Variants in RBFOX2 observed in about 807,000 individuals in gnomAD.
RBFOX2 encodes RNA binding protein fox-1 homolog 2.
RBFOX2 carries 10 observed loss-of-function variants against 49.1 expected under a neutral mutation model. The ratio of observed to expected loss-of-function variants is 0.20; its 90% CI spans 0.13 to 0.35. RBFOX2 has a LOEUF of 0.35. Ranked by LOEUF, RBFOX2 falls within the 10% of genes least tolerant of loss-of-function variation. RBFOX2 has a pLI of 1.00. For missense variants in RBFOX2, 323 were observed against 486.9 expected (o/e 0.66, Z 3.17); for synonymous variants, 183 against 187.4 (o/e 0.98, Z 0.19).
chr22:35,974,981 C>T (rs1158991496), intron 1 of RBFOX2, among the ~76,000 whole-genome samples: 1 of 152,180 alleles, frequency 6.6e-6, no homozygotes, highest in Admixed American at 6.5e-5. Flanking sequence ...ACAGAGGCAA[C>T]GTAGTAGACG....
chr22:35,888,008 T>C (rs889638454), intron 1 of RBFOX2, among the ~76,000 whole-genome samples: 1 of 152,158 alleles, frequency 6.6e-6, no homozygotes, highest in Non-Finnish European at 1.5e-5. Flanking sequence ...ACCTCCCTCC[T>C]AAGCCAGTTT....
chr22:35,746,319 G>A (rs1932762900), intron 10 of RBFOX2, among the ~76,000 whole-genome samples, 154 bp downstream of exon 12: 2 of 152,212 alleles, frequency 1.3e-5, no homozygotes, highest in African/African-American at 4.8e-5. Flanking sequence ...AGGCATGACA[G>A]AGGCCATCAA....
At chr22:35,966,164 C>T (rs1047328637), upstream of RBFOX2, among the ~76,000 whole-genome samples, 1 of 152,196 alleles carries the variant, frequency 6.6e-6, no homozygotes, top group African/African-American at 2.4e-5. Flanking sequence ...TCTTTCACTC[C>T]ACATTATATC....
intron 1 of RBFOX2, among the ~76,000 whole-genome samples, chr22:35,847,386 A>G (rs946326131): frequency 6.6e-6 from 1 of 152,216 alleles, no homozygotes; most frequent in Admixed American, 6.5e-5. Flanking sequence ...CCTTTCATTA[A>G]AAGAAATACT....
chr22:35,909,481 T>C (rs2049520996), intron 1 of RBFOX2, among the ~76,000 whole-genome samples: 1 of 152,134 alleles, frequency 6.6e-6, no homozygotes, highest in African/African-American at 2.4e-5. Context: ...ATTTTACAAG[T>C]TGTCAAAAGG....
At chr22:35,926,194 C>G (rs1026382930) in intron 1 of RBFOX2, among the ~76,000 whole-genome samples, 9 of 152,140 alleles carry the variant, frequency 5.9e-5, no homozygotes, top group African/African-American at 2.2e-4. Flanking sequence ...ATATGTCAAG[C>G]TTCTTAAATG....
At chr22:35,840,346 AC>A (rs1429412518) in exon 1 of RBFOX2, 2 of 1,561,126 alleles carry the variant, frequency 1.3e-6, no homozygotes, top group East Asian at 2.3e-5. Flanking sequence ...CTCTCTTTAT[AC>A]CGTTTTCCTT....
intron 1 of RBFOX2, among the ~76,000 whole-genome samples, chr22:35,882,662 A>G (rs1312301879): frequency 6.6e-6 from 1 of 152,208 alleles, no homozygotes; most frequent in East Asian, 1.9e-4. Context: ...AGGACCTAGT[A>G]TACAACTGGA....
At position 35,904,318 on chromosome 22, in the gene RBFOX2, T is replaced by C. The variant is rs534479404; in HGVS notation, c.-34+34529A>G. Among the ~76,000 whole-genome samples, 6 of 152,318 alleles carry C rather than the reference T, an allele frequency of 3.9e-5. No individual in the cohort carries two copies. The South Asian group carries it at 1.2e-3, about 32-fold the overall frequency. Reference sequence around the variant, plus strand: ...AAAATCTTTAATTATTTATGCTTTTTTTGGTTACAGATTTCTCCATTAGAA... The same window carrying C: ...AAAATCTTTAATTATTTATGCTTTTCTTGGTTACAGATTTCTCCATTAGAA... On this transcript the variant is annotated intron_variant, in intron 1 of 13. Transcript: ENST00000359369.
At chr22:35,792,284 CCAGCCT>C (rs1221995424) in intron 2 of RBFOX2, among the ~76,000 whole-genome samples, 1 of 140,820 alleles carries the variant, frequency 7.1e-6, no homozygotes, top group Non-Finnish European at 1.5e-5. Context: ...CCACTGCAGT[CCAGCCT>C]GGGTGACAGA....
rs1376419977 is a variant in RBFOX2, at chr22:35,746,469, A to G, written c.976+4T>C. On this transcript the variant is annotated splice_donor_region_variant and intron_variant, in intron 10 of 11. Transcript: ENST00000405409. ...CCAAAGCTCACCACTGTCTCTGTAC[A>G]TACCCGTCACTGTAAGCGGCTGCAG... is the stretch of plus-strand genomic sequence containing the variant. 12 of 1,590,202 alleles carry G rather than the reference A, an allele frequency of 7.5e-6. No individual in the cohort carries two copies. The highest frequency in any genetic ancestry group is 1.0e-5 in the Non-Finnish European group (12 of 1,163,880).
intron 1 of RBFOX2, among the ~76,000 whole-genome samples, chr22:36,004,222 C>T (rs1185549295): frequency 6.6e-6 from 1 of 152,166 alleles, no homozygotes; most frequent in East Asian, 1.9e-4. Context: ...TTTCAACATT[C>T]AAGTTGACAA....
chr22:35,845,396 CA>C (rs200009101), upstream of RBFOX2, among the ~76,000 whole-genome samples: 1,287 of 128,310 alleles, frequency 0.01, 7 homozygotes, highest in African/African-American at 0.027. Flanking sequence ...ATTCACCATT[CA>C]AAAAAAAAAA....
intron 1 of RBFOX2, among the ~76,000 whole-genome samples, chr22:36,002,208 GA>G (rs1299298901): frequency 6.6e-6 from 1 of 152,184 alleles, no homozygotes. Flanking sequence ...CAATACCTAT[GA>G]AAAGTTAAAA....
intron 2 of RBFOX2, among the ~76,000 whole-genome samples, chr22:35,801,812 G>A (rs998315989): frequency 6.6e-6 from 1 of 152,004 alleles, no homozygotes. Context: ...GTGACACAGT[G>A]AGACTCGGTC....
intron 1 of RBFOX2, among the ~76,000 whole-genome samples, chr22:35,984,307 G>A (rs543916204): frequency 1.2e-4 from 19 of 152,254 alleles, no homozygotes; most frequent in Non-Finnish European, 2.2e-4. Flanking sequence ...TGATTCTAAC[G>A]CACAGTTGGC....
chr22:36,021,135 CTA>C (rs2059229652), intron 1 of RBFOX2, among the ~76,000 whole-genome samples: 2 of 151,522 alleles, frequency 1.3e-5, no homozygotes, highest in Non-Finnish European at 2.9e-5. Flanking sequence ...TCTGAGCAAA[CTA>C]TCACAAGGAC....
intron 6 of RBFOX2, among the ~76,000 whole-genome samples, 186 bp downstream of exon 7, chr22:35,765,237 A>G (rs998003231): frequency 1.3e-5 from 2 of 151,672 alleles, no homozygotes; most frequent in Admixed American, 6.6e-5. Context: ...CTTAATAACT[A>G]AAAACTTAGC....
At chr22:35,925,570 C>A (rs1014610746) in intron 1 of RBFOX2, among the ~76,000 whole-genome samples, 2 of 152,136 alleles carry the variant, frequency 1.3e-5, no homozygotes, top group Non-Finnish European at 2.9e-5. Context: ...GACACTGAGT[C>A]AGCTCGCAAA....
Sources: gnomAD v4.1 joint callset for allele counts (sites outside exome capture counted in the v4.1 genomes callset) on GRCh38, gnomAD v4.1.1 for gene constraint, MANE v1.5 for transcripts, NCBI Gene and HGNC (gene_info 2026-07-23, HGNC 2026-07-21) for gene names.